The following SRGAP2 variants were observed in gnomAD, a reference collection of about 807,000 sequenced individuals.
The protein encoded by SRGAP2 is SLIT-ROBO Rho GTPase-activating protein 2.
Under a neutral mutation model 57.2 loss-of-function variants are expected in SRGAP2, and 15 were observed. That is an observed-to-expected ratio of 0.26 (90% CI 0.18 to 0.40). The LOEUF (loss-of-function observed/expected upper bound fraction) is 0.40. SRGAP2 is among the 10% of genes least tolerant of loss of function. The pLI is 1.00. For missense variants in SRGAP2, 520 were observed against 669.6 expected (o/e 0.78, Z 2.47); for synonymous variants, 249 against 248.0 (o/e 1.00, Z -0.04).
intron 2 of SRGAP2, among the ~76,000 whole-genome samples, chr1:206,255,398 T>C (rs1461033907): frequency 1.4e-5 from 2 of 139,110 alleles, no homozygotes; most frequent in Admixed American, 7.2e-5. Context: ...GAATGGTGTT[T>C]AGTAGGTCAT....
At chr1:206,318,386 T>A (rs1553326577) in intron 3 of SRGAP2, among the ~76,000 whole-genome samples, 1 of 152,188 alleles carries the variant, frequency 6.6e-6, no homozygotes, top group East Asian at 1.9e-4. Flanking sequence ...CTTCCTCCCC[T>A]CCTTCTCCTC....
intron 12 of SRGAP2, 43 bp from the exon 13 acceptor site, chr1:206,421,207 G>T (rs781788703): frequency 1.7e-5 from 13 of 761,714 alleles, no homozygotes; most frequent in Admixed American, 3.6e-5. Flanking sequence ...TTTCTCCCTT[G>T]TTGCTGGATT....
intron 4 of SRGAP2, among the ~76,000 whole-genome samples, chr1:206,367,742 CG>C (rs1553341910): frequency 6.9e-6 from 1 of 144,352 alleles, no homozygotes; most frequent in African/African-American, 2.6e-5. Flanking sequence ...GAAACAAAGC[CG>C]AAAAGAGCCT....
intron 2 of SRGAP2, among the ~76,000 whole-genome samples, chr1:206,244,555 C>T (rs1487797081): frequency 2.8e-5 from 4 of 141,018 alleles, no homozygotes; most frequent in Admixed American, 7.1e-5. Context: ...TGAGCCACCA[C>T]GCCCGGCAAA....
intron 2 of SRGAP2, among the ~76,000 whole-genome samples, chr1:206,283,038 C>T (rs1356611904): frequency 2.7e-5 from 4 of 147,712 alleles, no homozygotes; most frequent in East Asian, 2.0e-4. Flanking sequence ...TCGATTATTT[C>T]GGTTCCTTGC....
intron 2 of SRGAP2, among the ~76,000 whole-genome samples, chr1:206,287,198 C>T (rs1246165572): frequency 1.2e-3 from 178 of 152,106 alleles, no homozygotes; most frequent in African/African-American, 3.9e-3. Flanking sequence ...ATGGTGGTAC[C>T]GTTACTGGGG....
intron 4 of SRGAP2, among the ~76,000 whole-genome samples, chr1:206,381,387 G>A (rs1287538701): frequency 1.7e-5 from 2 of 115,272 alleles, no homozygotes; most frequent in Non-Finnish European, 3.6e-5. Context: ...GCGGTGGGAA[G>A]TGATACTCAT....
rs782197656 is a variant in SRGAP2 at position 206,419,379 on chromosome 1, G to A, written c.1448G>A (p.Arg483Gln). ...LLQKTLGESQ[R>Q]TDCSLARRSS... is the part of the protein sequence containing the mutation. Reference sequence around the variant, plus strand: ...GCCTTTGTGTTTCCAACAGGTCAGCGGACAGATTGCAGTCTAGCCAGGTGA... The same window carrying A: ...GCCTTTGTGTTTCCAACAGGTCAGCAGACAGATTGCAGTCTAGCCAGGTGA... The change falls in exon 12 of 23, where the codon CGG becomes CAG. Residue 483 changes from arginine to glutamine, a missense_variant. By Grantham distance (43) the Arg-to-Gln change is conservative. Transcript: ENST00000573034. 2.3e-5 allele frequency: 18 copies of A among 780,796 alleles called. No individual in the cohort carries two copies. The highest frequency in any genetic ancestry group is 1.7e-4 in the Admixed American group (10 of 59,046). 48.4% of individuals were successfully genotyped at this position (780,796 alleles called of 1,614,324 possible).
intron 13 of SRGAP2, among the ~76,000 whole-genome samples, chr1:206,429,327 C>G (rs752487721): frequency 5.4e-4 from 82 of 152,338 alleles, no homozygotes; most frequent in Non-Finnish European, 1.1e-3. Context: ...TCTGAAGCTC[C>G]CATTGGTTCA....
chr1:206,260,937 A>T (rs1195509672), intron 2 of SRGAP2, among the ~76,000 whole-genome samples: 1 of 152,268 alleles, frequency 6.6e-6, no homozygotes, highest in Non-Finnish European at 1.5e-5. Context: ...AACATTGATG[A>T]TGAATCTGAC....
At chr1:206,432,610 G>A (rs1423105313) in intron 14 of SRGAP2, among the ~76,000 whole-genome samples, 4 of 152,208 alleles carry the variant, frequency 2.6e-5, no homozygotes, top group Middle Eastern at 3.4e-3. Context: ...AGATTTCCTT[G>A]AACTAATATG....
intron 2 of SRGAP2, among the ~76,000 whole-genome samples, chr1:206,215,953 C>T: frequency 7.6e-6 from 1 of 131,330 alleles, no homozygotes; most frequent in South Asian, 2.8e-4. Context: ...ATAGTAAGCA[C>T]TACAATGTTT....
At chr1:206,449,449 T>C (rs1363908865) in intron 18 of SRGAP2, among the ~76,000 whole-genome samples, 1 of 27,802 alleles carries the variant, frequency 3.6e-5, no homozygotes, top group African/African-American at 4.0e-4. Flanking sequence ...CACACTGGCT[T>C]TTTTTTTTTT....
chr1:206,267,245 G>A (rs1476574879), intron 2 of SRGAP2, among the ~76,000 whole-genome samples: 1 of 152,248 alleles, frequency 6.6e-6, no homozygotes, highest in Admixed American at 6.5e-5. Flanking sequence ...TGGGATTACA[G>A]GCATGAGCCA....
chr1:206,249,707 C>T (rs1310730264), intron 2 of SRGAP2, among the ~76,000 whole-genome samples: 1 of 151,444 alleles, frequency 6.6e-6, no homozygotes, highest in Non-Finnish European at 1.5e-5. Flanking sequence ...CAAACCTGCA[C>T]ATTCTGCACA....
intron 3 of SRGAP2, 136 bp downstream of exon 3, chr1:206,303,609 T>A (rs1671998294): frequency 3.0e-6 from 2 of 656,586 alleles, no homozygotes; most frequent in South Asian, 2.4e-5. Context: ...CCTCAAGGAC[T>A]TCTCGTTTTC....
intron 10 of SRGAP2, among the ~76,000 whole-genome samples, chr1:206,413,703 G>A (rs1166938652): frequency 6.6e-5 from 10 of 152,302 alleles, no homozygotes; most frequent in African/African-American, 1.7e-4. Flanking sequence ...TCTGCTAGGC[G>A]TGGTAGTATC....
intron 3 of SRGAP2, among the ~76,000 whole-genome samples, chr1:206,312,746 T>A (rs551647859): frequency 6.6e-6 from 1 of 152,268 alleles, no homozygotes; most frequent in African/African-American, 2.4e-5. Context: ...TGTCTGAAAT[T>A]CTGTCAGCCT....
At position 206,461,059 on chromosome 1, in the gene SRGAP2, C is replaced by A; in HGVS notation, c.2855C>A (p.Ser952Ter). The A allele has an allele frequency of 1.4e-6, 1 of 714,782 alleles. No homozygotes were observed. The highest frequency in any genetic ancestry group is 1.5e-5 in the South Asian group (1 of 66,072). The allele number at this position is 714,782 out of a possible 1,614,324, so 44.3% of individuals were successfully genotyped here. Residue 952 changes from serine to a stop codon, truncating the protein, a stop_gained, in exon 23 of 23, where the codon TCG becomes TAG. Transcript: ENST00000573034. LOFTEE classifies it high-confidence loss of function. Reference protein sequence around the residue: ...IAQDIEATMNSALNELRELER... With the variant: ...IAQDIEATMN ...CAGGATATTGAGGCAACAATGAACT[C>A]GGCCCTGAATGAGCTACGGGAACTA...
Sources: allele counts gnomAD v4.1 joint callset (sites outside exome capture counted in the v4.1 genomes callset), GRCh38; gene constraint gnomAD v4.1.1; transcripts MANE v1.5; gene names NCBI Gene and HGNC (gene_info 2026-07-23, HGNC 2026-07-21).